The following HS2ST1 variants were observed in gnomAD, a reference collection of about 807,000 sequenced individuals.
The protein encoded by HS2ST1 is heparan sulfate 2-O-sulfotransferase 1.
In HS2ST1, 18 loss-of-function variants were observed where a neutral mutation model predicts 42.9. The ratio of observed to expected loss-of-function variants is 0.42; its 90% confidence interval spans 0.29 to 0.62. The LOEUF (loss-of-function observed/expected upper bound fraction) is 0.62. HS2ST1 is among the 20% of genes least tolerant of loss of function. HS2ST1 has a pLI of 0.21. For synonymous variants in HS2ST1, 146 were observed against 152.9 expected (o/e 0.95, Z 0.33); for missense variants, 334 against 433.8 (o/e 0.77, Z 2.04).
At chr1:87,069,208 A>G (rs918471412) in intron 1 of HS2ST1, among the ~76,000 whole-genome samples, 1 of 152,164 alleles carries the variant, frequency 6.6e-6, no homozygotes, top group Non-Finnish European at 1.5e-5. Flanking sequence ...AAAAGAATCC[A>G]CGTATTGGAC....
intron 1 of HS2ST1, among the ~76,000 whole-genome samples, chr1:86,989,305 C>T (rs1028208914): frequency 2.0e-5 from 3 of 152,182 alleles, no homozygotes; most frequent in African/African-American, 4.8e-5. Context: ...ACAAGGATAG[C>T]TCTTATAAAG....
At chr1:87,012,832 G>A (rs568161437) in intron 1 of HS2ST1, among the ~76,000 whole-genome samples, 3 of 152,276 alleles carry the variant, frequency 2.0e-5, no homozygotes, top group South Asian at 4.2e-4. Flanking sequence ...GGAGAAATAG[G>A]CCAAAACAAA....
chr1:87,018,604 A>T lies in HS2ST1; in HGVS notation c.125-54330A>T, dbSNP rs377562982. ...CACCACCCATGAATAGCTTTTCATG[A>T]CGCTCTAAAGGACAGATTTCCAGCA... On this transcript the variant is annotated intron_variant, in intron 1 of 6. Coordinates refer to ENST00000370550, the MANE Select transcript of HS2ST1 (RefSeq NM_012262.4). Among the ~76,000 whole-genome samples the T allele has an allele frequency of 5.5e-4, 84 of 152,280 alleles. No individual in the cohort carries two copies. In the East Asian group the frequency reaches 0.014, roughly 26 times the overall value.
At chr1:86,974,734 G>A (rs148803883) in intron 1 of HS2ST1, among the ~76,000 whole-genome samples, 202 of 152,246 alleles carry the variant, frequency 1.3e-3, no homozygotes, top group Non-Finnish European at 2.6e-3. Context: ...TGCTTGGTAT[G>A]GAAAACCCAC....
intron 4 of HS2ST1, among the ~76,000 whole-genome samples, chr1:87,094,665 A>T (rs548250212): frequency 6.6e-6 from 1 of 151,980 alleles, no homozygotes; most frequent in Non-Finnish European, 1.5e-5. Flanking sequence ...AACGTGATCC[A>T]AAGTTGCATA....
chr1:87,056,790 G>A (rs1245322331), intron 1 of HS2ST1, among the ~76,000 whole-genome samples: 2 of 152,084 alleles, frequency 1.3e-5, no homozygotes, highest in African/African-American at 4.8e-5. Context: ...TCAAATGACA[G>A]TGCAAAGTAT....
intron 1 of HS2ST1, among the ~76,000 whole-genome samples, chr1:86,921,596 G>A (rs1203046157): frequency 1.3e-5 from 2 of 152,034 alleles, no homozygotes; most frequent in African/African-American, 4.8e-5. Context: ...GTGGCAGTGT[G>A]TTCTCTTTTT....
At chr1:86,992,994 T>A in intron 1 of HS2ST1, 2 of 1,429,890 alleles carry the variant, frequency 1.4e-6, no homozygotes, top group Non-Finnish European at 1.9e-6. Context: ...TGTGTCTATG[T>A]TCCTTTCCTC....
At chr1:86,985,984 C>T (rs1392023704) in intron 1 of HS2ST1, among the ~76,000 whole-genome samples, 3 of 148,736 alleles carry the variant, frequency 2.0e-5, no homozygotes, top group African/African-American at 7.4e-5. Context: ...GTGAGCTTTG[C>T]TTGACATGTT....
In HS2ST1 at chr1:87,046,581, A is replaced by C. The variant is rs536841257; in HGVS notation, c.125-26353A>C. On this transcript the variant is annotated intron_variant, in intron 1 of 6. Coordinates refer to ENST00000370550, the MANE Select transcript of HS2ST1 (RefSeq NM_012262.4). ...ATGGACAAACTATGGCGGAAAAGGAAACCTCCAGTTCTGTTGGACTGGGCT... is the reference window on the plus strand; with the variant it reads ...ATGGACAAACTATGGCGGAAAAGGACACCTCCAGTTCTGTTGGACTGGGCT... 3 of 1,578,410 alleles carry C rather than the reference A, an allele frequency of 1.9e-6. No homozygotes were observed. The South Asian group carries it at 3.3e-5, about 18-fold the overall frequency.
Position 87,037,416 on chromosome 1 carries a change from A to G in HS2ST1, c.125-35518A>G, listed in dbSNP as rs1010367365. The stretch of plus-strand genomic sequence containing the variant: ...GTTATAAAATTATATGGCCCAATAA[A>G]TCTGTACAATAAATGGCCTTTTAAT... On this transcript the variant is annotated intron_variant, in intron 1 of 6. Coordinates refer to ENST00000370550, the MANE Select transcript of HS2ST1 (RefSeq NM_012262.4). Among the ~76,000 whole-genome samples, 7 of 151,968 alleles carry G rather than the reference A, an allele frequency of 4.6e-5. No individual in the cohort carries two copies. In the South Asian group the frequency reaches 1.2e-3, roughly 27 times the overall value.
At chr1:87,036,249 G>T (rs1365643656) in intron 1 of HS2ST1, among the ~76,000 whole-genome samples, 1 of 152,110 alleles carries the variant, frequency 6.6e-6, no homozygotes, top group Non-Finnish European at 1.5e-5. Flanking sequence ...TGTGAGCAGT[G>T]CTGCAGTAAA....
intron 1 of HS2ST1, among the ~76,000 whole-genome samples, chr1:86,935,912 C>T (rs1014579791): frequency 6.6e-6 from 1 of 152,094 alleles, no homozygotes; most frequent in African/African-American, 2.4e-5. Context: ...CCCAGTTTTC[C>T]CCATCATGAC....
intron 1 of HS2ST1, among the ~76,000 whole-genome samples, chr1:87,016,547 CTA>C (rs1350476050): frequency 5.3e-5 from 8 of 152,166 alleles, no homozygotes; most frequent in African/African-American, 1.9e-4. Flanking sequence ...ATAACACAAT[CTA>C]TTTTATTACA....
chr1:87,013,114 C>T (rs1232478641), intron 1 of HS2ST1, among the ~76,000 whole-genome samples: 1 of 152,222 alleles, frequency 6.6e-6, no homozygotes, highest in Non-Finnish European at 1.5e-5. Context: ...TACAGTGCCC[C>T]TCTTCTCACA....
intron 1 of HS2ST1, among the ~76,000 whole-genome samples, chr1:86,989,014 T>C (rs1305558843): frequency 1.3e-5 from 2 of 152,250 alleles, no homozygotes; most frequent in African/African-American, 4.8e-5. Context: ...TCTGGGCATG[T>C]GATCTTAATG....
intron 1 of HS2ST1, among the ~76,000 whole-genome samples, chr1:86,962,997 A>G (rs1055432294): frequency 2.0e-5 from 3 of 152,172 alleles, no homozygotes; most frequent in East Asian, 3.9e-4. Flanking sequence ...AGGTGGTAGT[A>G]TAGAAAGAGG....
At chr1:87,028,502 A>C (rs1189887079) in intron 1 of HS2ST1, among the ~76,000 whole-genome samples, 1 of 152,212 alleles carries the variant, frequency 6.6e-6, no homozygotes, top group Non-Finnish European at 1.5e-5. Context: ...AGTTGAGGAC[A>C]TTCTGTTTTT....
In HS2ST1 at chr1:87,049,627, A is replaced by G. The variant is rs1174677157; in HGVS notation, c.125-23307A>G. Among the ~76,000 whole-genome samples, 4 of 151,994 alleles carry G rather than the reference A, an allele frequency of 2.6e-5. No individual in the cohort carries two copies. In the East Asian group the frequency reaches 7.7e-4, roughly 29 times the overall value. On this transcript the variant is annotated intron_variant, in intron 1 of 6. Transcript: ENST00000370550. ...TAATTCTGTTTTAGTCAGAGAATAT[A>G]TTTTGTATGATTTGAGTACTTTCAA...
Sources: gnomAD v4.1 joint callset for allele counts (sites outside exome capture counted in the v4.1 genomes callset) on GRCh38, gnomAD v4.1.1 for gene constraint, MANE v1.5 for transcripts, NCBI Gene and HGNC (gene_info 2026-07-23, HGNC 2026-07-21) for gene names.